Variants in TMEM154 observed in about 807,000 individuals in gnomAD.
The protein encoded by TMEM154 is transmembrane protein 154.
TMEM154 carries 27 observed loss-of-function variants against 24.5 expected under a neutral mutation model. The ratio of observed to expected loss-of-function variants is 1.10; its 90% confidence interval spans 0.81 to 1.52. The LOEUF (loss-of-function observed/expected upper bound fraction) is 1.52, where lower values mean the gene tolerates loss of function less well. TMEM154 is among the 40% of genes most tolerant of loss of function. The probability of loss-of-function intolerance (pLI) is 0.00; values close to 1 mark genes in which losing one functional copy is unlikely to be tolerated. For missense variants in TMEM154, 228 were observed against 213.4 expected (o/e 1.07, Z -0.43); for synonymous variants, 67 against 76.8 (o/e 0.87, Z 0.67).
chr4:152,621,748 A>G lies in TMEM154; in HGVS notation c.*6798T>C, dbSNP rs1433643519. ...CAAGGTGTGAGATGAGGTTAAAATT[A>G]AAGGCATGAAGAAAAGTGAGTAATC... On this transcript the variant is annotated 3_prime_UTR_variant, in exon 7 of 7. Coordinates refer to ENST00000304385, the MANE Select transcript of TMEM154 (RefSeq NM_152680.3). 6.6e-6 allele frequency: 1 copy of G among 152,224 alleles called. No homozygotes were observed. Among genetic ancestry groups the G allele is most frequent in the African/African-American group, 2.4e-5 (1 of 41,468 alleles). The allele number at this position is 152,224 out of a possible 1,614,324, so 9.4% of individuals were successfully genotyped here. A position where few individuals can be genotyped will look rare whatever the true frequency, so the allele number is the denominator to read the frequency against.
At chr4:152,669,779 G>C (rs951480628) in intron 1 of TMEM154, 7 of 152,106 alleles carry the variant, frequency 4.6e-5, no homozygotes, top group African/African-American at 1.4e-4. Context: ...TAACAACGAT[G>C]GTTTTAACTC....
rs182285733 is a variant in TMEM154, at chr4:152,671,517, G to A, written c.64+8353C>T. ...AATCCCAGCACTTTGGGAGGCCGAG[G>A]CGGGCAGATCACGAGGTCAGGAGAT... On this transcript the variant is annotated intron_variant, in intron 1 of 6. Coordinates refer to ENST00000304385, the MANE Select transcript of TMEM154 (RefSeq NM_152680.3). Among the ~76,000 whole-genome samples, 811 of 152,006 alleles carry A rather than the reference G, an allele frequency of 5.3e-3. 8 individuals carry two copies. Among genetic ancestry groups the A allele is most frequent in the African/African-American group, 0.019 (785 of 41,476 alleles).
Position 152,645,113 on chromosome 4 carries a change from C to T in TMEM154, c.365-671G>A, listed in dbSNP as rs77653186. Among the ~76,000 whole-genome samples the T allele has an allele frequency of 5.8e-3, 310 of 53,760 alleles. 1 individual carries two copies. The highest frequency in any genetic ancestry group is 0.019 in the African/African-American group (290 of 15,146). 35.3% of individuals were successfully genotyped at this position (53,760 alleles called of 152,430 possible). Reference sequence around the variant, plus strand: ...GGCCACAATTTCTCATTGGTCAACCCGTCTGTTTGATTTTTTTTTTTCTGT... The same window carrying T: ...GGCCACAATTTCTCATTGGTCAACCTGTCTGTTTGATTTTTTTTTTTCTGT... On this transcript the variant is annotated intron_variant, in intron 3 of 6. Coordinates refer to ENST00000304385, the MANE Select transcript of TMEM154 (RefSeq NM_152680.3).
At chr4:152,641,935 T>TTTG (rs1561047114) in intron 5 of TMEM154, among the ~76,000 whole-genome samples, 29 of 124,420 alleles carry the variant, frequency 2.3e-4, no homozygotes, top group Non-Finnish European at 4.4e-4. Flanking sequence ...TTTTTTTTTT[T>TTTG]TTGTTGAGAT....
At chr4:152,645,549 G>A (rs985246073) in intron 3 of TMEM154, among the ~76,000 whole-genome samples, 1 of 152,176 alleles carries the variant, frequency 6.6e-6, no homozygotes, top group Non-Finnish European at 1.5e-5. Flanking sequence ...GATAGCATAG[G>A]CCTGCTGCAC....
chr4:152,641,200 CCT>C (rs1579514405), intron 5 of TMEM154: 1 of 509,612 alleles, frequency 2.0e-6, no homozygotes, highest in African/African-American at 2.0e-5. Flanking sequence ...CTTCAACATG[CCT>C]CTGACACTGG....
Position 152,643,308 on chromosome 4 carries a change from G to T in TMEM154, c.393-135C>A, listed in dbSNP as rs949382161. 4.6e-6 allele frequency: 3 copies of T among 652,714 alleles called. No individual in the cohort carries two copies. The Admixed American group carries it at 9.9e-5, about 22-fold the overall frequency. 40.4% of individuals were successfully genotyped at this position (652,714 alleles called of 1,614,324 possible). A position where few individuals can be genotyped will look rare whatever the true frequency, so the allele number is the denominator to read the frequency against. On this transcript the variant is annotated intron_variant, in intron 4 of 6. Coordinates refer to ENST00000304385, the MANE Select transcript of TMEM154 (RefSeq NM_152680.3). ...CCTTATGCTCTAGGGAAGCCTGGGGGCTTGCCCTATTCCAAACTACCAAAC... is the reference window on the plus strand; with the variant it reads ...CCTTATGCTCTAGGGAAGCCTGGGGTCTTGCCCTATTCCAAACTACCAAAC...
At chr4:152,653,229 G>T (rs111524515) in intron 1 of TMEM154, among the ~76,000 whole-genome samples, 31 of 152,210 alleles carry the variant, frequency 2.0e-4, no homozygotes, top group African/African-American at 6.5e-4. Flanking sequence ...TCATGTTAAG[G>T]GTGATTTTCC....
intron 3 of TMEM154, among the ~76,000 whole-genome samples, chr4:152,650,543 C>G (rs1337142592): frequency 6.6e-6 from 1 of 152,124 alleles, no homozygotes; most frequent in Non-Finnish European, 1.5e-5. Flanking sequence ...GTCTTGAACC[C>G]CTCAAAGTCA....
chr4:152,644,507 C>G, intron 3 of TMEM154, 65 bp from the exon 4 acceptor site: 2 of 1,513,026 alleles, frequency 1.3e-6, no homozygotes, highest in Non-Finnish European at 1.8e-6. Context: ...TTAATTTCAA[C>G]AACAGCTGAA....
chr4:152,656,138 T>G (rs1728487247), intron 1 of TMEM154, among the ~76,000 whole-genome samples: 1 of 152,118 alleles, frequency 6.6e-6, no homozygotes, highest in Non-Finnish European at 1.5e-5. Context: ...GCCTGCCCAG[T>G]CCATTGCAAC....
chr4:152,645,443 G>C (rs1752342815), intron 3 of TMEM154, among the ~76,000 whole-genome samples: 1 of 152,188 alleles, frequency 6.6e-6, no homozygotes, highest in South Asian at 2.1e-4. Context: ...AAATGAACAA[G>C]TGGTGAGAAT....
intron 1 of TMEM154, among the ~76,000 whole-genome samples, chr4:152,664,512 G>A (rs1009535696): frequency 6.6e-6 from 1 of 152,054 alleles, no homozygotes; most frequent in African/African-American, 2.4e-5. Context: ...CTGCACACTG[G>A]AATTTAAAGT....
intron 1 of TMEM154, among the ~76,000 whole-genome samples, chr4:152,658,972 A>G (rs138260395): frequency 6.6e-6 from 1 of 152,242 alleles, no homozygotes; most frequent in Non-Finnish European, 1.5e-5. Context: ...CAAAAAACTA[A>G]CAAGAGAACT....
In TMEM154 at chr4:152,627,816, CA is replaced by C. The variant is rs939096600; in HGVS notation, c.*729del. 1 of 152,246 alleles carries C rather than the reference CA, an allele frequency of 6.6e-6. No individual in the cohort carries two copies. Among genetic ancestry groups the C allele is most frequent in the Admixed American group, 6.5e-5 (1 of 15,276 alleles). The allele number at this position is 152,246 out of a possible 1,614,324, so 9.4% of individuals were successfully genotyped here. A position where few individuals can be genotyped will look rare whatever the true frequency, so the allele number is the denominator to read the frequency against. On this transcript the variant is annotated 3_prime_UTR_variant, in exon 7 of 7. Coordinates refer to ENST00000304385, the MANE Select transcript of TMEM154 (RefSeq NM_152680.3). Reference sequence around the variant, plus strand: ...GAAATGCTGACAAGCAAGGGAATTTCAGCTGAGGAGAACATTAGTTCTTTCA... The same window carrying C: ...GAAATGCTGACAAGCAAGGGAATTTCGCTGAGGAGAACATTAGTTCTTTCA...
intron 6 of TMEM154, among the ~76,000 whole-genome samples, chr4:152,637,842 T>G (rs1273102157): frequency 2.0e-5 from 3 of 152,202 alleles, no homozygotes; most frequent in Non-Finnish European, 4.4e-5. Flanking sequence ...GGGTAGATAC[T>G]CAAAGTAAAC....
intron 6 of TMEM154, among the ~76,000 whole-genome samples, chr4:152,638,957 T>C (rs868781763): frequency 6.6e-6 from 1 of 152,202 alleles, no homozygotes. Context: ...TCTGACTTTT[T>C]TTTTTTGAAA....
Position 152,643,185 on chromosome 4 carries a change from G to C in TMEM154, c.393-12C>G. 1 of 1,575,566 alleles carries C rather than the reference G, an allele frequency of 6.3e-7. No homozygotes were observed. Among genetic ancestry groups the C allele is most frequent in the Non-Finnish European group, 8.7e-7 (1 of 1,155,614 alleles). On this transcript the variant is annotated splice_polypyrimidine_tract_variant and intron_variant, in intron 4 of 6. Transcript: ENST00000304385. ...CCTCAAAAATAGGGCTAGAAATAGAGAGCAAAAGACTTGTTAGAAAGAAAT... is the reference window on the plus strand; with the variant it reads ...CCTCAAAAATAGGGCTAGAAATAGACAGCAAAAGACTTGTTAGAAAGAAAT...
chr4:152,649,845 A>G (rs953593597), intron 3 of TMEM154, among the ~76,000 whole-genome samples: 1 of 152,254 alleles, frequency 6.6e-6, no homozygotes, highest in African/African-American at 2.4e-5. Flanking sequence ...CACTGCAATA[A>G]AGTGAGTATT....
Sources: allele counts gnomAD v4.1 joint callset (sites outside exome capture counted in the v4.1 genomes callset), GRCh38; gene constraint gnomAD v4.1.1; transcripts MANE v1.5; gene names NCBI Gene and HGNC (gene_info 2026-07-23, HGNC 2026-07-21).